Variants in TARS3 observed in about 807,000 individuals in gnomAD.
TARS3 encodes threonine--tRNA ligase 2, cytoplasmic.
In TARS3, 94 loss-of-function variants were observed where a neutral mutation model predicts 103.5. That is an observed-to-expected ratio of 0.91 (90% CI 0.77 to 1.08). TARS3 has a LOEUF of 1.08. TARS3 is among the 50% of genes least tolerant of loss of function. The probability of loss-of-function intolerance (pLI) is 0.00; values close to 1 mark genes in which losing one functional copy is unlikely to be tolerated. For missense variants in TARS3, 952 were observed against 995.2 expected, an observed-to-expected ratio of 0.96 and a Z score of 0.58; for synonymous variants, 416 against 355.4, an observed-to-expected ratio of 1.17 and a Z score of -1.92.
chr15:101,691,067 T>C (rs1281460443), intron 10 of TARS3, among the ~76,000 whole-genome samples: 1 of 151,408 alleles, frequency 6.6e-6, no homozygotes, highest in African/African-American at 2.4e-5. Context: ...GCCTCCCGAG[T>C]AGCTGGGACT....
chr15:101,693,267 G>C (rs1037538052), intron 10 of TARS3, among the ~76,000 whole-genome samples: 6 of 152,158 alleles, frequency 3.9e-5, no homozygotes, highest in Non-Finnish European at 5.9e-5. Context: ...TGGCTGGTGG[G>C]GGGGCCTCAC....
intron 12 of TARS3, among the ~76,000 whole-genome samples, chr15:101,678,648 A>G (rs764962065): frequency 1.3e-5 from 2 of 152,206 alleles, no homozygotes; most frequent in African/African-American, 2.4e-5. Flanking sequence ...CATTTCTTCT[A>G]CATACATTTA....
chr15:101,665,974 C>T (rs907751438), intron 15 of TARS3, among the ~76,000 whole-genome samples: 1 of 152,044 alleles, frequency 6.6e-6, no homozygotes, highest in African/African-American at 2.4e-5. Context: ...CTCGGGAGCC[C>T]CTCCAATAAA....
At chr15:101,701,530 T>C (rs8027461) in intron 9 of TARS3, among the ~76,000 whole-genome samples, 147,866 of 152,254 alleles carry the variant, frequency 0.97, 71,945 homozygotes, top group Middle Eastern at 1. Flanking sequence ...TCATGGCTGC[T>C]GCCTACTGAG....
At chr15:101,671,269 A>G (rs555705829) in intron 15 of TARS3, among the ~76,000 whole-genome samples, 1 of 152,188 alleles carries the variant, frequency 6.6e-6, no homozygotes, top group Non-Finnish European at 1.5e-5. Context: ...AACTTTGTTC[A>G]TATCTCTACT....
chr15:101,722,637 T>C (rs755606068), intron 2 of TARS3, among the ~76,000 whole-genome samples: 1 of 88,078 alleles, frequency 1.1e-5, no homozygotes, highest in Non-Finnish European at 2.1e-5. Context: ...AAACCCCATC[T>C]CTACTAAAAA....
chr15:101,724,002 AC>A (rs1900630045), intron 1 of TARS3, 88 bp downstream of exon 1: 1 of 1,222,380 alleles, frequency 8.2e-7, no homozygotes. Flanking sequence ...GCGCCCCCGC[AC>A]CTGCCCCCGC....
intron 13 of TARS3, among the ~76,000 whole-genome samples, chr15:101,672,500 G>A (rs1190511435): frequency 6.6e-6 from 1 of 152,116 alleles, no homozygotes; most frequent in African/African-American, 2.4e-5. Context: ...CCAACATACG[G>A]GTGCCCATGA....
chr15:101,697,384 A>G (rs144400648), intron 10 of TARS3, among the ~76,000 whole-genome samples: 11 of 152,320 alleles, frequency 7.2e-5, no homozygotes, highest in African/African-American at 2.6e-4. Context: ...GTAACATGGA[A>G]AACAGAAAGG....
chr15:101,712,035 C>T (rs1899896566), intron 4 of TARS3, 34 bp from the exon 5 acceptor site: 2 of 1,581,408 alleles, frequency 1.3e-6, no homozygotes, highest in East Asian at 4.6e-5. Flanking sequence ...CATTAGCTAC[C>T]AAAAGTATGT....
intron 12 of TARS3, 103 bp downstream of exon 12, chr15:101,683,972 G>C: frequency 8.3e-7 from 1 of 1,210,226 alleles, no homozygotes; most frequent in Non-Finnish European, 1.1e-6. Context: ...TCAGAGACTA[G>C]ACCAAACGTC....
chr15:101,692,241 G>C (rs1898760635), intron 10 of TARS3, among the ~76,000 whole-genome samples: 1 of 152,148 alleles, frequency 6.6e-6, no homozygotes, highest in Admixed American at 6.5e-5. Flanking sequence ...CACAGTTACA[G>C]CTTCTGTTGT....
Position 101,724,301 on chromosome 15 carries a change from G to A in TARS3, c.87C>T (p.Val29=), listed in dbSNP as rs750629214. The A allele has an allele frequency of 4.5e-6, 7 of 1,571,012 alleles. No homozygotes were observed. The Admixed American group carries it at 5.3e-5, about 12-fold the overall frequency. ...EEDIRWLWSE[V]ERLRDEQLNA... is the part of the protein sequence containing the mutation. ...TCAGCTGCTCGTCCCTCAGGCGCTC[G>A]ACCTCCGACCACAGCCAGCGGATGT... The change falls in exon 1 of 19, where the codon GTC becomes GTT. Residue 29 remains valine (V), a synonymous_variant. Transcript: ENST00000335968.
intron 12 of TARS3, among the ~76,000 whole-genome samples, chr15:101,682,434 G>A (rs1210656569): frequency 6.6e-6 from 1 of 151,986 alleles, no homozygotes; most frequent in African/African-American, 2.4e-5. Flanking sequence ...TTGTGAATGT[G>A]GGGAATTACA....
Position 101,705,666 on chromosome 15 carries a change from C to A in TARS3, c.995+17G>T, listed in dbSNP as rs762102570. 6.2e-7 allele frequency: 1 copy of A among 1,606,324 alleles called. No individual in the cohort carries two copies. The highest frequency in any genetic ancestry group is 1.1e-5 in the South Asian group (1 of 89,800). ...AAGTTTACCACTGAGCAGCGTTTACCATGTGTGGACACAAACCTGTACACG... is the reference window on the plus strand; with the variant it reads ...AAGTTTACCACTGAGCAGCGTTTACAATGTGTGGACACAAACCTGTACACG... On this transcript the variant is annotated intron_variant, in intron 7 of 18. Coordinates refer to ENST00000335968, the MANE Select transcript of TARS3 (RefSeq NM_152334.3).
intron 5 of TARS3, among the ~76,000 whole-genome samples, chr15:101,709,532 G>T (rs761505748): frequency 6.6e-6 from 1 of 152,162 alleles, no homozygotes; most frequent in South Asian, 2.1e-4. Flanking sequence ...CTCAGGGCTT[G>T]CTCCCTCCCT....
At chr15:101,723,930 C>T (rs1470134061) in intron 1 of TARS3, among the ~76,000 whole-genome samples, 161 bp downstream of exon 1, 1 of 142,396 alleles carries the variant, frequency 7.0e-6, no homozygotes, top group Non-Finnish European at 1.5e-5. Flanking sequence ...CCAGGCCACA[C>T]GGGACCACCG....
intron 10 of TARS3, among the ~76,000 whole-genome samples, chr15:101,696,830 A>T (rs138572495): frequency 0.013 from 1,912 of 152,312 alleles, 34 homozygotes; most frequent in African/African-American, 0.043. Flanking sequence ...TGATTTACAC[A>T]ACTGAGCAGC....
chr15:101,672,603 CCTGGGAAAGCTGA>C (rs1257788183), intron 13 of TARS3, among the ~76,000 whole-genome samples: 2 of 62,800 alleles, frequency 3.2e-5, no homozygotes, highest in Non-Finnish European at 9.6e-5. Flanking sequence ...AAAGCTGACT[CCTGGGAAAGCTGA>C]CTCCTGGAGT....
Sources: allele counts gnomAD v4.1 joint callset (sites outside exome capture counted in the v4.1 genomes callset), GRCh38; gene constraint gnomAD v4.1.1; transcripts MANE v1.5; gene names NCBI Gene and HGNC (gene_info 2026-07-23, HGNC 2026-07-21).